Variants in NEK1 observed in about 807,000 individuals in gnomAD.
NEK1 encodes NIMA related kinase 1, also known as serine/threonine-protein kinase Nek1.
A neutral mutation model predicts 182.1 loss-of-function variants in NEK1; 137 were observed. That is an observed-to-expected ratio of 0.75 (90% CI 0.65 to 0.87). The LOEUF is 0.87. Ranked by LOEUF, NEK1 falls within the 40% of genes least tolerant of loss-of-function variation. The probability of loss-of-function intolerance (pLI) is 0.00; values close to 1 mark genes in which losing one functional copy is unlikely to be tolerated. For missense variants in NEK1, 1,391 were observed against 1,494.4 expected, an observed-to-expected ratio of 0.93 and a Z score of 1.14; for synonymous variants, 513 against 492.2, an observed-to-expected ratio of 1.04 and a Z score of -0.56.
rs748500266 is a variant in NEK1, at chr4:169,585,565, T to A, written c.607-16A>T. On this transcript the variant is annotated splice_polypyrimidine_tract_variant and intron_variant, in intron 9 of 35. Coordinates refer to ENST00000507142, the MANE Select transcript of NEK1 (RefSeq NM_001199397.3). ...CAGCTTCAAACTAAATTCCAGAAAA[T>A]AAATAACATATAGGAAACATATATA... The A allele has an allele frequency of 6.5e-6, 10 of 1,531,680 alleles. No homozygotes were observed. In the African/African-American group the frequency reaches 1.4e-4, roughly 21 times the overall value. 94.9% of individuals were successfully genotyped at this position (1,531,680 alleles called of 1,614,324 possible). A position where few individuals can be genotyped will look rare whatever the true frequency, so the allele number is the denominator to read the frequency against.
chr4:169,490,532 A>T (rs999234388), intron 23 of NEK1, among the ~76,000 whole-genome samples: 1 of 152,208 alleles, frequency 6.6e-6, no homozygotes, highest in Non-Finnish European at 1.5e-5. Flanking sequence ...TAATGATCTT[A>T]CGGAAACTCA....
chr4:169,404,271 T>G (rs1732201661), intron 32 of NEK1, among the ~76,000 whole-genome samples: 1 of 152,096 alleles, frequency 6.6e-6, no homozygotes, highest in Non-Finnish European at 1.5e-5. Context: ...TACAGTCAAG[T>G]AGAAGAAACA....
At chr4:169,560,001 C>T (rs993709697) in intron 16 of NEK1, among the ~76,000 whole-genome samples, 1 of 152,168 alleles carries the variant, frequency 6.6e-6, no homozygotes, top group Non-Finnish European at 1.5e-5. Context: ...AAGAGCGAAA[C>T]TCCATCTCAA....
Position 169,438,134 on chromosome 4 carries a change from A to T in NEK1, c.2713T>A (p.Phe905Ile). The T allele has an allele frequency of 6.2e-7, 1 of 1,612,008 alleles. No individual in the cohort carries two copies. The highest frequency in any genetic ancestry group is 8.5e-7 in the Non-Finnish European group (1 of 1,179,056). ...DSPVETKSPE[F>I]SEASPQMSLK... is the part of the protein sequence containing the mutation. ...GACATCTGTGGAGATGCCTCACTGA[A>T]CTCGGGACTTTTTGTCTCAACAGGA... The change falls in exon 28 of 36, where the codon TTC (phenylalanine) becomes ATC (isoleucine). Residue 905 changes from phenylalanine to isoleucine, a missense_variant. Physicochemically the swap from Phe to Ile is conservative, Grantham distance 21. Transcript: ENST00000507142.
At chr4:169,454,998 T>TA (rs1177989344) in intron 27 of NEK1, among the ~76,000 whole-genome samples, 1 of 151,998 alleles carries the variant, frequency 6.6e-6, no homozygotes, top group African/African-American at 2.4e-5. Flanking sequence ...TACGCAGCCA[T>TA]AAGAAAGGAT....
chr4:169,441,982 C>A (rs1199097959), intron 27 of NEK1, among the ~76,000 whole-genome samples: 1 of 152,128 alleles, frequency 6.6e-6, no homozygotes, highest in Non-Finnish European at 1.5e-5. Flanking sequence ...GCAGCCACTG[C>A]CACCATCCAC....
At chr4:169,448,574 T>C (rs902141955) in intron 27 of NEK1, among the ~76,000 whole-genome samples, 1 of 152,110 alleles carries the variant, frequency 6.6e-6, no homozygotes, top group African/African-American at 2.4e-5. Context: ...AATAACAAAA[T>C]GGCAGAATTA....
intron 2 of NEK1, among the ~76,000 whole-genome samples, chr4:169,606,603 C>A (rs1350747276): frequency 2.0e-5 from 3 of 152,136 alleles, no homozygotes; most frequent in Non-Finnish European, 2.9e-5. Context: ...GCCTCCTCCA[C>A]CTCTCCCAGT....
rs897732893 is a variant in NEK1, at chr4:169,580,841, C to G, written c.868+1G>C. ...AAGGCTTCATATCAGATTTCATTTA[C>G]CTGGTATAGGCTGTGATCCAAACTT... On this transcript the variant is annotated splice_donor_variant, in intron 11 of 35. Transcript: ENST00000507142. LOFTEE classifies it high-confidence loss of function. The G allele has an allele frequency of 4.2e-5, 63 of 1,518,058 alleles. No individual in the cohort carries two copies. The highest frequency in any genetic ancestry group is 5.5e-5 in the Non-Finnish European group (61 of 1,118,848). The allele number at this position is 1,518,058 out of a possible 1,614,324, so 94.0% of individuals were successfully genotyped here.
chr4:169,594,283 T>C (rs1769069195), intron 5 of NEK1, among the ~76,000 whole-genome samples: 2 of 152,226 alleles, frequency 1.3e-5, no homozygotes, highest in Admixed American at 1.3e-4. Context: ...CTATGTGTAA[T>C]AAAATGTATT....
intron 16 of NEK1, among the ~76,000 whole-genome samples, chr4:169,559,315 C>G (rs945175534): frequency 6.6e-6 from 1 of 152,166 alleles, no homozygotes; most frequent in African/African-American, 2.4e-5. Context: ...GATAAGCTTT[C>G]TCTTTCCAAT....
In NEK1 at chr4:169,463,398, A is replaced by T. The variant is rs376641963; in HGVS notation, c.2435-3T>A. Reference sequence around the variant, plus strand: ...AATAACTTCTCCCACTGTATGTCCTATAAGAAAAATATACAAAGAAACAAT... The same window carrying T: ...AATAACTTCTCCCACTGTATGTCCTTTAAGAAAAATATACAAAGAAACAAT... On this transcript the variant is annotated splice_region_variant and splice_polypyrimidine_tract_variant and intron_variant, in intron 26 of 35. Transcript: ENST00000507142. The T allele has an allele frequency of 6.3e-7, 1 of 1,588,106 alleles. No individual in the cohort carries two copies. Among genetic ancestry groups the T allele is most frequent in the African/African-American group, 1.4e-5 (1 of 74,042 alleles).
chr4:169,512,432 A>C (rs1175281206), intron 19 of NEK1, among the ~76,000 whole-genome samples: 3 of 151,884 alleles, frequency 2.0e-5, no homozygotes, highest in Non-Finnish European at 4.4e-5. Flanking sequence ...GTTTTGTATA[A>C]ATTTTCCTCA....
At chr4:169,475,507 T>C (rs1746780508) in intron 26 of NEK1, among the ~76,000 whole-genome samples, 1 of 151,936 alleles carries the variant, frequency 6.6e-6, no homozygotes, top group African/African-American at 2.4e-5. Flanking sequence ...TCCAGAATAA[T>C]TACAAAAATA....
intron 18 of NEK1, among the ~76,000 whole-genome samples, chr4:169,553,454 A>G (rs1761714936): frequency 6.6e-6 from 1 of 152,184 alleles, no homozygotes; most frequent in Non-Finnish European, 1.5e-5. Flanking sequence ...GTATGGTGAT[A>G]ACTTTTCAGT....
intron 23 of NEK1, among the ~76,000 whole-genome samples, chr4:169,480,602 T>C (rs940250091): frequency 6.6e-6 from 1 of 151,898 alleles, no homozygotes; most frequent in African/African-American, 2.4e-5. Context: ...TTGATACTGA[T>C]GGCTACTGAC....
chr4:169,489,442 T>A (rs1294230019), intron 23 of NEK1, among the ~76,000 whole-genome samples: 1 of 152,146 alleles, frequency 6.6e-6, no homozygotes, highest in Non-Finnish European at 1.5e-5. Context: ...CTTAAGAATG[T>A]CAGAGAATAG....
intron 32 of NEK1, among the ~76,000 whole-genome samples, chr4:169,406,391 A>G (rs1732617897): frequency 6.6e-6 from 1 of 151,974 alleles, no homozygotes. Flanking sequence ...TTTACTAATG[A>G]CATTATAGCC....
intron 8 of NEK1, among the ~76,000 whole-genome samples, 169 bp downstream of exon 8, chr4:169,588,480 A>G (rs886744625): frequency 5.9e-5 from 9 of 152,152 alleles, no homozygotes; most frequent in African/African-American, 2.2e-4. Flanking sequence ...AAGATAATCA[A>G]ATAGCTTTTT....
Sources: allele counts gnomAD v4.1 joint callset (sites outside exome capture counted in the v4.1 genomes callset), GRCh38; gene constraint gnomAD v4.1.1; transcripts MANE v1.5; gene names NCBI Gene and HGNC (gene_info 2026-07-23, HGNC 2026-07-21).